The following GPM6B variants were observed in gnomAD, a reference collection of about 807,000 sequenced individuals.
GPM6B encodes the protein neuronal membrane glycoprotein M6-b.
Under a neutral mutation model 27.2 loss-of-function variants are expected in GPM6B, and 4 were observed. That is an observed-to-expected ratio of 0.15 (90% CI 0.07 to 0.34). GPM6B has a LOEUF of 0.34. GPM6B is among the 10% of genes least tolerant of loss of function. The probability of loss-of-function intolerance (pLI) is 1.00; values close to 1 mark genes in which losing one functional copy is unlikely to be tolerated. For synonymous variants in GPM6B, 124 were observed against 103.1 expected (o/e 1.20, Z -1.23); for missense variants, 183 against 261.9 (o/e 0.70, Z 2.08).
chrX:13,822,956 C>T lies in GPM6B; in HGVS notation c.-197-37148G>A, dbSNP rs148809269. 7.7e-3 allele frequency among the ~76,000 whole-genome samples: 863 copies of T among 112,097 alleles called. 8 individuals carry two copies. The highest frequency in any genetic ancestry group is 0.026 in the African/African-American group (803 of 30,913). On this transcript the variant is annotated intron_variant, in intron 1 of 6. Coordinates refer to the GPM6B transcript ENST00000398361. ...AGAATGTGACTGTCTACATTTGGGTCCTTTCCATAATCAGAATTTCCCAAA... is the reference window on the plus strand; with the variant it reads ...AGAATGTGACTGTCTACATTTGGGTTCTTTCCATAATCAGAATTTCCCAAA...
At chrX:13,782,376 A>G (rs1384048852) in intron 4 of GPM6B, among the ~76,000 whole-genome samples, 1 of 111,636 alleles carries the variant, frequency 9.0e-6, no homozygotes, top group Non-Finnish European at 1.9e-5. Context: ...TGTCCTGACC[A>G]ATGCTCAAAG....
chrX:13,884,482 A>G (rs1038187212), intron 1 of GPM6B, among the ~76,000 whole-genome samples: 1 of 112,374 alleles, frequency 8.9e-6, no homozygotes, highest in Non-Finnish European at 1.9e-5. Flanking sequence ...AAGATTACAT[A>G]ATCTGATGTT....
chrX:13,798,418 A>T (rs2048855653), intron 2 of GPM6B, among the ~76,000 whole-genome samples: 1 of 110,041 alleles, frequency 9.1e-6, no homozygotes, highest in East Asian at 2.9e-4. Flanking sequence ...GCTGAGGAAG[A>T]CATACCTGTT....
At chrX:13,774,381 T>G (rs1001428938) in intron 7 of GPM6B, 13 of 1,053,732 alleles carry the variant, frequency 1.2e-5, no homozygotes, top group Admixed American at 3.8e-5. Flanking sequence ...GTGTAATTCA[T>G]GTACAGTAAG....
At chrX:13,792,908 A>G (rs1465132976) in intron 2 of GPM6B, among the ~76,000 whole-genome samples, 1 of 108,046 alleles carries the variant, frequency 9.3e-6, no homozygotes, top group Non-Finnish European at 1.9e-5. Context: ...AAAAAAAAAA[A>G]AAAAAAAAAA....
chrX:13,780,778 G>A (rs934222389), intron 4 of GPM6B: 4 of 161,875 alleles, frequency 2.5e-5, no homozygotes, highest in Non-Finnish European at 3.6e-5. Flanking sequence ...TTTGTGAGGC[G>A]GCCTCAAAAA....
At chrX:13,774,459 G>A (rs769176345) in intron 7 of GPM6B, 24 of 1,169,996 alleles carry the variant, frequency 2.1e-5, no homozygotes, top group South Asian at 1.2e-4. Context: ...TAACAAAATT[G>A]CAGAAACCTA....
chrX:13,924,629 A>C (rs1921083312), intron 1 of GPM6B, among the ~76,000 whole-genome samples: 1 of 111,789 alleles, frequency 8.9e-6, no homozygotes, highest in Admixed American at 9.5e-5. Context: ...AGGATATTCC[A>C]ATATCTAACT....
intron 1 of GPM6B, among the ~76,000 whole-genome samples, chrX:13,903,771 G>A (rs747751821): frequency 8.9e-6 from 1 of 112,188 alleles, no homozygotes; most frequent in Non-Finnish European, 1.9e-5. Context: ...CCCATGAGAC[G>A]GGCCGGGGGT....
chrX:13,913,438 C>A (rs1191503956), intron 1 of GPM6B, among the ~76,000 whole-genome samples: 1 of 111,513 alleles, frequency 9.0e-6, no homozygotes, highest in Non-Finnish European at 1.9e-5. Context: ...CAGGCGTAAG[C>A]CACCATGCCC....
intron 1 of GPM6B, among the ~76,000 whole-genome samples, chrX:13,835,125 G>A (rs1485629724): frequency 8.9e-6 from 1 of 111,969 alleles, no homozygotes; most frequent in Non-Finnish European, 1.9e-5. Context: ...AGACTAAACC[G>A]TGCATGAGTA....
Position 13,771,659 on chromosome X carries a change from T to TCATAAAGA in GPM6B, c.*1214_*1221dup, listed in dbSNP as rs1449592459. 8.9e-6 allele frequency: 1 copy of TCATAAAGA among 112,079 alleles called. No homozygotes were observed. The highest frequency in any genetic ancestry group is 1.9e-5 in the Non-Finnish European group (1 of 53,108). 9.2% of individuals were successfully genotyped at this position (112,079 alleles called of 1,213,427 possible). A position where few individuals can be genotyped will look rare whatever the true frequency, so the allele number is the denominator to read the frequency against. ...GCACCCAACAGTTATATGGATCATT[T>TCATAAAGA]CATAAAGAGCAACACAAAGTTTACC... On this transcript the variant is annotated 3_prime_UTR_variant, in exon 8 of 8. Transcript: ENST00000316715.
Position 13,785,651 on chromosome X carries a change from G to A in GPM6B, c.339C>T (p.Asn113=), listed in dbSNP as rs368890582. 3.1e-5 allele frequency: 38 copies of A among 1,209,900 alleles called. No homozygotes were observed. Among genetic ancestry groups the A allele is most frequent in the African/African-American group, 1.8e-4 (10 of 57,138 alleles). Residue 113 remains asparagine (N), a synonymous_variant, in exon 3 of 8, where the codon AAC becomes AAT. Transcript: ENST00000316715. ...CGCTCAGCAAGGCATGGTCACTGGC[G>A]TTGGTGGAGAAGTGTTGCTCAAGAA... ...VAILEQHFST[N]ASDHALLSEV... is the part of the protein sequence containing the mutation.
upstream of GPM6B, among the ~76,000 whole-genome samples, chrX:13,819,229 G>C (rs1326043198): frequency 8.9e-6 from 1 of 112,024 alleles, no homozygotes; most frequent in Non-Finnish European, 1.9e-5. Flanking sequence ...CTTTTCACTA[G>C]GATAATGTAT....
chrX:13,777,465 A>G (rs1244130144), intron 5 of GPM6B, 40 bp from the exon 6 acceptor site: 2 of 928,876 alleles, frequency 2.2e-6, no homozygotes, highest in South Asian at 2.0e-5. Context: ...TACAAACTAT[A>G]GCGCCTCATG....
chrX:13,841,073 CAT>C (rs1444243146), intron 1 of GPM6B, among the ~76,000 whole-genome samples: 1 of 112,173 alleles, frequency 8.9e-6, no homozygotes, highest in Non-Finnish European at 1.9e-5. Flanking sequence ...TATGAATAAA[CAT>C]ATGTACATGC....
At chrX:13,822,106 G>A (rs759990016), upstream of GPM6B, among the ~76,000 whole-genome samples, 3 of 111,193 alleles carry the variant, frequency 2.7e-5, no homozygotes, top group Non-Finnish European at 5.7e-5. Flanking sequence ...TCAGAAGGAG[G>A]GATGTTTCCA....
rs765013825 is a variant in GPM6B, at chrX:13,912,608, T to C, written c.-198+25719A>G. On this transcript the variant is annotated intron_variant, in intron 1 of 6. Coordinates refer to the GPM6B transcript ENST00000398361. Reference sequence around the variant, plus strand: ...ATTTTTTCAAATTTGAAAAAAAAAATTAAAATGTTAATCTAAATAGAGAGC... The same window carrying C: ...ATTTTTTCAAATTTGAAAAAAAAAACTAAAATGTTAATCTAAATAGAGAGC... Among the ~76,000 whole-genome samples the C allele has an allele frequency of 1.1e-3, 124 of 110,296 alleles. 1 individual carries two copies. The highest frequency in any genetic ancestry group is 3.8e-3 in the African/African-American group (117 of 30,418).
intron 1 of GPM6B, among the ~76,000 whole-genome samples, chrX:13,929,432 T>C (rs867030657): frequency 9.9e-6 from 1 of 100,887 alleles, no homozygotes; most frequent in Non-Finnish European, 2.0e-5. Context: ...AGAAAAAGAT[T>C]AAAAAAAAAA....
Sources: allele counts gnomAD v4.1 joint callset (sites outside exome capture counted in the v4.1 genomes callset), GRCh38; gene constraint gnomAD v4.1.1; transcripts MANE v1.5; gene names NCBI Gene and HGNC (gene_info 2026-07-23, HGNC 2026-07-21).